Variants in LRP2 observed in about 807,000 individuals in gnomAD.
The protein encoded by LRP2 is LDL receptor related protein 2.
In LRP2, 172 loss-of-function variants were observed where a neutral mutation model predicts 531.0. The ratio of observed to expected loss-of-function variants is 0.32; its 90% CI spans 0.29 to 0.37. The LOEUF is 0.37. Ranked by LOEUF, LRP2 falls within the 10% of genes least tolerant of loss-of-function variation. LRP2 has a pLI of 1.00. For synonymous variants in LRP2, 1,992 were observed against 2,027.6 expected (o/e 0.98, Z 0.47); for missense variants, 5,167 against 5,868.3 (o/e 0.88, Z 3.90).
intron 70 of LRP2, among the ~76,000 whole-genome samples, chr2:169,143,122 C>G (rs1685783496): frequency 6.6e-6 from 1 of 152,148 alleles, no homozygotes; most frequent in South Asian, 2.1e-4. Context: ...CAGTGCTAAA[C>G]AACTTGAGAT....
In LRP2 at chr2:169,173,237, G is replaced by T; in HGVS notation, c.11015-13C>A. The T allele has an allele frequency of 6.2e-7, 1 of 1,614,096 alleles. No homozygotes were observed. The highest frequency in any genetic ancestry group is 8.5e-7 in the Non-Finnish European group (1 of 1,180,018). On this transcript the variant is annotated splice_polypyrimidine_tract_variant and intron_variant, in intron 56 of 78. Coordinates refer to ENST00000649046, the MANE Select transcript of LRP2 (RefSeq NM_004525.3). ...TGGGCAGAGCTCACTGAAAAGGGAG[G>T]AGGCATCAAAGTCAGAACTGAAGGT...
At chr2:169,334,612 A>C (rs1685354653) in intron 1 of LRP2, among the ~76,000 whole-genome samples, 1 of 152,220 alleles carries the variant, frequency 6.6e-6, no homozygotes, top group Admixed American at 6.5e-5. Context: ...CAAGAGATGC[A>C]TGGCTTTCAA....
chr2:169,186,596 T>G (rs774192834), intron 49 of LRP2, among the ~76,000 whole-genome samples: 4 of 152,222 alleles, frequency 2.6e-5, no homozygotes, highest in Admixed American at 2.6e-4. Context: ...TAAAACTTCA[T>G]GCATTGCAAA....
rs529453472 is a variant in LRP2, at chr2:169,310,049, C to T, written c.311-2652G>A. Among the ~76,000 whole-genome samples the T allele has an allele frequency of 2.8e-3, 430 of 152,240 alleles. 1 individual carries two copies. The highest frequency in any genetic ancestry group is 9.9e-3 in the African/African-American group (410 of 41,536). On this transcript the variant is annotated intron_variant, in intron 3 of 78. Coordinates refer to ENST00000649046, the MANE Select transcript of LRP2 (RefSeq NM_004525.3). ...TGTCTGTTATTGGTATATAGGAATG[C>T]TTGTGATTTTTGCACATTGATTTTG...
chr2:169,331,139 C>T (rs952315006), intron 1 of LRP2, among the ~76,000 whole-genome samples: 2 of 152,144 alleles, frequency 1.3e-5, no homozygotes, highest in East Asian at 1.9e-4. Flanking sequence ...ATCTGAAATC[C>T]TCAAGTAGTT....
intron 1 of LRP2, among the ~76,000 whole-genome samples, chr2:169,344,629 G>A (rs901126396): frequency 5.9e-5 from 9 of 152,054 alleles, no homozygotes; most frequent in African/African-American, 9.7e-5. Flanking sequence ...TTTTAGCTAA[G>A]AGCCAAACCC....
chr2:169,173,576 T>C (rs1687079043), intron 56 of LRP2, among the ~76,000 whole-genome samples: 1 of 152,132 alleles, frequency 6.6e-6, no homozygotes, highest in South Asian at 2.1e-4. Context: ...ATCTGTAAAA[T>C]GGAATTGGTT....
Position 169,243,422 on chromosome 2 carries a change from T to A in LRP2, c.3531A>T (p.Gly1177=). The change falls in exon 23 of 79, where the codon GGA becomes GGT. Residue 1177 remains glycine (G), a synonymous_variant. Coordinates refer to ENST00000649046, the MANE Select transcript of LRP2 (RefSeq NM_004525.3). ...ACTTACCACAACCAACCTCATCAGA[T>A]CCATCAACACAATCCTTGTCACCAT... ...VCDGDKDCVD[G]SDEVGCVLNC... 6.2e-7 allele frequency: 1 copy of A among 1,614,108 alleles called. No homozygotes were observed. The highest frequency in any genetic ancestry group is 1.3e-5 in the African/African-American group (1 of 75,034).
rs150525454 is a variant in LRP2, at chr2:169,187,933, C to G, written c.9328+37G>C. 5 of 1,604,956 alleles carry G rather than the reference C, an allele frequency of 3.1e-6. No homozygotes were observed. In the East Asian group the frequency reaches 1.1e-4, roughly 36 times the overall value. Reference sequence around the variant, plus strand: ...GGGTTGAGAATCCATATTCAGTCTCCCCTGTTTCCTTTTCCCAAATCCTCT... The same window carrying G: ...GGGTTGAGAATCCATATTCAGTCTCGCCTGTTTCCTTTTCCCAAATCCTCT... On this transcript the variant is annotated intron_variant, in intron 49 of 78. Transcript: ENST00000649046.
intron 44 of LRP2, 142 bp from the exon 45 acceptor site, chr2:169,199,053 A>G: frequency 1.3e-6 from 1 of 756,668 alleles, no homozygotes; most frequent in Non-Finnish European, 2.2e-6. Flanking sequence ...GGCAGGATCC[A>G]TGATACTTAT....
intron 49 of LRP2, among the ~76,000 whole-genome samples, chr2:169,186,972 T>C (rs923973127): frequency 1.3e-5 from 2 of 152,230 alleles, no homozygotes; most frequent in African/African-American, 4.8e-5. Context: ...ATGTTTTTCT[T>C]AATTTATTAA....
At position 169,333,277 on chromosome 2, in the gene LRP2, G is replaced by A. The variant is rs868396791; in HGVS notation, c.80-12393C>T. Among the ~76,000 whole-genome samples, 5 of 152,096 alleles carry A rather than the reference G, an allele frequency of 3.3e-5. No individual in the cohort carries two copies. In the South Asian group the frequency reaches 8.3e-4, roughly 25 times the overall value. On this transcript the variant is annotated intron_variant, in intron 1 of 78. Coordinates refer to ENST00000649046, the MANE Select transcript of LRP2 (RefSeq NM_004525.3). ...AGAAAGTTCAAAATTCTCCTGCCACGACCTGGATATGTGAAATATAAGGAA... is the reference window on the plus strand; with the variant it reads ...AGAAAGTTCAAAATTCTCCTGCCACAACCTGGATATGTGAAATATAAGGAA...
At chr2:169,340,674 C>CTG (rs1685538449) in intron 1 of LRP2, among the ~76,000 whole-genome samples, 1 of 152,166 alleles carries the variant, frequency 6.6e-6, no homozygotes. Flanking sequence ...CAGCAGAGGA[C>CTG]TGTGGAGCCT....
At chr2:169,348,871 T>C (rs1392858716) in intron 1 of LRP2, among the ~76,000 whole-genome samples, 1 of 152,144 alleles carries the variant, frequency 6.6e-6, no homozygotes, top group Non-Finnish European at 1.5e-5. Context: ...CTAAGCCACT[T>C]GCTTTGATAG....
intron 13 of LRP2, among the ~76,000 whole-genome samples, chr2:169,276,291 T>C (rs2105445295): frequency 6.6e-6 from 1 of 152,324 alleles, no homozygotes; most frequent in Non-Finnish European, 1.5e-5. Flanking sequence ...TGATTTCAGC[T>C]GTACTTGTGA....
At chr2:169,309,252 CT>C (rs1684520263) in intron 3 of LRP2, among the ~76,000 whole-genome samples, 1 of 152,090 alleles carries the variant, frequency 6.6e-6, no homozygotes, top group African/African-American at 2.4e-5. Flanking sequence ...TCAATTTTGG[CT>C]TTTGTTACCA....
At chr2:169,227,040 A>G (rs1689226857) in intron 31 of LRP2, among the ~76,000 whole-genome samples, 1 of 152,218 alleles carries the variant, frequency 6.6e-6, no homozygotes, top group African/African-American at 2.4e-5. Flanking sequence ...TAGTTTTAAG[A>G]ATGTTCCAAA....
Position 169,348,829 on chromosome 2 carries a change from A to AG in LRP2, c.79+13491dup, listed in dbSNP as rs539923122. Among the ~76,000 whole-genome samples, 175 of 152,232 alleles carry AG rather than the reference A, an allele frequency of 1.1e-3. 2 individuals are homozygous for AG. Among genetic ancestry groups the AG allele is most frequent in the Admixed American group, 7.5e-3 (115 of 15,280 alleles). ...AGTGGGAGGCACTGGGGTGGAGAAA[A>AG]GGGGGGAGTCAGATCGAGAGAAACA... On this transcript the variant is annotated intron_variant, in intron 1 of 78. Coordinates refer to ENST00000649046, the MANE Select transcript of LRP2 (RefSeq NM_004525.3).
rs967282835 is a variant in LRP2, at chr2:169,174,251, A to C, written c.10769-87T>G. 26 of 1,543,018 alleles carry C rather than the reference A, an allele frequency of 1.7e-5. No homozygotes were observed. The Admixed American group carries it at 4.1e-4, about 24-fold the overall frequency. Reference sequence around the variant, plus strand: ...ACATCAGTGAATCCTGGATAGCAGGATCATGATTTCTTTTTAGAGGACTTA... The same window carrying C: ...ACATCAGTGAATCCTGGATAGCAGGCTCATGATTTCTTTTTAGAGGACTTA... On this transcript the variant is annotated intron_variant, in intron 55 of 78. Coordinates refer to ENST00000649046, the MANE Select transcript of LRP2 (RefSeq NM_004525.3).
Sources: allele counts gnomAD v4.1 joint callset (sites outside exome capture counted in the v4.1 genomes callset), GRCh38; gene constraint gnomAD v4.1.1; transcripts MANE v1.5; gene names NCBI Gene and HGNC (gene_info 2026-07-23, HGNC 2026-07-21).